Variants in MACROH2A1 observed in about 807,000 individuals in gnomAD.
MACROH2A1 encodes macroH2A.1 histone, also known as core histone macro-H2A.1.
MACROH2A1 carries 2 observed loss-of-function variants against 31.6 expected under a neutral mutation model. That is an observed-to-expected ratio of 0.06 (90% CI 0.03 to 0.20). The LOEUF (loss-of-function observed/expected upper bound fraction) is 0.20. Among genes scored for constraint, MACROH2A1 ranks in the 10% least tolerant of loss-of-function variants. The pLI is 1.00. For synonymous variants in MACROH2A1, 169 were observed against 189.6 expected, an observed-to-expected ratio of 0.89 and a Z score of 0.89; for missense variants, 230 against 474.0, an observed-to-expected ratio of 0.49 and a Z score of 4.78.
At chr5:135,370,003 C>A in intron 3 of MACROH2A1, 33 bp downstream of exon 3, 1 of 1,386,406 alleles carries the variant, frequency 7.2e-7, no homozygotes, top group South Asian at 1.2e-5. Context: ...ACCACCTGCT[C>A]AAACATCAGT....
intron 2 of MACROH2A1, among the ~76,000 whole-genome samples, chr5:135,376,146 A>G (rs1474981423): frequency 6.6e-6 from 1 of 152,156 alleles, no homozygotes; most frequent in African/African-American, 2.4e-5. Flanking sequence ...CATAGAGAAA[A>G]TAAAACCTAC....
chr5:135,393,372 T>G (rs1317786237), intron 1 of MACROH2A1, among the ~76,000 whole-genome samples: 1 of 152,226 alleles, frequency 6.6e-6, no homozygotes, highest in African/African-American at 2.4e-5. Context: ...CTCTGGCTAT[T>G]TACTCAGAAG....
intron 4 of MACROH2A1, among the ~76,000 whole-genome samples, chr5:135,364,372 ATATG>A (rs143337679): frequency 0.036 from 5,547 of 152,220 alleles, 369 homozygotes; most frequent in African/African-American, 0.13. Context: ...ACATGTATAC[ATATG>A]TAACACACCT....
At position 135,352,977 on chromosome 5, in the gene MACROH2A1, G is replaced by T; in HGVS notation, c.657C>A (p.Thr219=). 1 of 1,597,112 alleles carries T rather than the reference G, an allele frequency of 6.3e-7. No homozygotes were observed. The highest frequency in any genetic ancestry group is 8.6e-7 in the Non-Finnish European group (1 of 1,164,486). Residue 219 remains threonine, a synonymous_variant, in exon 6 of 9, where the codon ACC becomes ACA. Transcript: ENST00000511689. ...GFEVEAIINP[T]NADIDLKDDL... ...CATCTTTAAGGTCAATGTCAGCATTGGTAGGATTGATTATGGCCTCCACCT... is the reference window on the plus strand; with the variant it reads ...CATCTTTAAGGTCAATGTCAGCATTTGTAGGATTGATTATGGCCTCCACCT...
intron 5 of MACROH2A1, chr5:135,354,152 G>A (rs918609515): frequency 6.6e-6 from 1 of 152,272 alleles, no homozygotes; most frequent in Non-Finnish European, 1.5e-5. Context: ...GTTTACCAGG[G>A]CATGAGGCTT....
chr5:135,352,006 C>T (rs1286857495), intron 6 of MACROH2A1, among the ~76,000 whole-genome samples: 1 of 152,026 alleles, frequency 6.6e-6, no homozygotes, highest in African/African-American at 2.4e-5. Flanking sequence ...ATGTTTTCAG[C>T]CCACTGTTGC....
intron 7 of MACROH2A1, 104 bp downstream of exon 7, chr5:135,345,864 G>T: frequency 1.3e-6 from 1 of 762,626 alleles, no homozygotes; most frequent in Non-Finnish European, 2.4e-6. Flanking sequence ...TGAAGATGCG[G>T]CTGTGCTGCC....
At chr5:135,338,215 G>A (rs1182799408) in intron 8 of MACROH2A1, among the ~76,000 whole-genome samples, 1 of 152,196 alleles carries the variant, frequency 6.6e-6, no homozygotes, top group Non-Finnish European at 1.5e-5. Flanking sequence ...GGCTTGGGTG[G>A]CCTGACAGCC....
chr5:135,358,946 C>T, intron 5 of MACROH2A1: 1 of 985,412 alleles, frequency 1.0e-6, no homozygotes, highest in African/African-American at 1.7e-5. Flanking sequence ...GGTGTTTGCC[C>T]CCTCCCCTCC....
chr5:135,364,211 C>T (rs983638865), intron 4 of MACROH2A1, among the ~76,000 whole-genome samples: 1 of 152,044 alleles, frequency 6.6e-6, no homozygotes, highest in African/African-American at 2.4e-5. Flanking sequence ...AGACACAGGG[C>T]GGGGAACATC....
chr5:135,380,353 G>C (rs952271311), intron 2 of MACROH2A1, among the ~76,000 whole-genome samples: 1 of 152,136 alleles, frequency 6.6e-6, no homozygotes, highest in African/African-American at 2.4e-5. Context: ...ACCCCGCTTG[G>C]GACTTTGCAC....
chr5:135,345,871 T>A, intron 7 of MACROH2A1, 97 bp downstream of exon 7: 1 of 806,346 alleles, frequency 1.2e-6, no homozygotes, highest in Non-Finnish European at 2.2e-6. Flanking sequence ...GCGGCTGTGC[T>A]GCCACACACC....
chr5:135,337,975 G>A, intron 8 of MACROH2A1: 1 of 1,214,654 alleles, frequency 8.2e-7, no homozygotes, highest in Non-Finnish European at 1.1e-6. Context: ...GACTGTGGCT[G>A]CTCTGGACTG....
intron 6 of MACROH2A1, chr5:135,350,994 A>G: frequency 1.1e-6 from 1 of 922,152 alleles, no homozygotes; most frequent in South Asian, 1.4e-5. Context: ...CCCCAATGGC[A>G]GGGCTGGCCT....
At chr5:135,335,832 C>T (rs1481879166) in intron 8 of MACROH2A1, among the ~76,000 whole-genome samples, 1 of 152,206 alleles carries the variant, frequency 6.6e-6, no homozygotes, top group East Asian at 1.9e-4. Context: ...GACTGGCCCT[C>T]ACTGCTCTGT....
chr5:135,386,006 G>A (rs930487718), intron 2 of MACROH2A1, among the ~76,000 whole-genome samples: 8 of 152,166 alleles, frequency 5.3e-5, no homozygotes, highest in Non-Finnish European at 8.8e-5. Flanking sequence ...AAGTGAAGAG[G>A]AGAGCAGAAA....
Position 135,334,885 on chromosome 5 carries a change from T to C in MACROH2A1, c.*91A>G. The C allele has an allele frequency of 9.4e-7, 1 of 1,067,180 alleles. No individual in the cohort carries two copies. 66.1% of individuals were successfully genotyped at this position (1,067,180 alleles called of 1,614,324 possible). ...TGAGCAAAACTGAAAATGAAAGGGG[T>C]CCCACCTCCCAGTAGGAGTGAAGGG... On this transcript the variant is annotated 3_prime_UTR_variant, in exon 9 of 9. Transcript: ENST00000511689.
intron 4 of MACROH2A1, chr5:135,363,008 C>G (rs1429549890): frequency 6.6e-6 from 1 of 152,098 alleles, no homozygotes; most frequent in Non-Finnish European, 1.5e-5. Context: ...GTATTTGGGT[C>G]CTGGCTCCCC....
rs1046207208 is a variant in MACROH2A1 at position 135,358,170 on chromosome 5, T to C, written c.588+2327A>G. ...CTTTTTTACACTATATGCCATGATT[T>C]TCACCTGACAGTAATAGCCAATAAA... is the stretch of plus-strand genomic sequence containing the variant. On this transcript the variant is annotated intron_variant, in intron 5 of 8. Transcript: ENST00000511689. The C allele has an allele frequency of 4.1e-6, 4 of 985,152 alleles. No individual in the cohort carries two copies. The Admixed American group carries it at 2.5e-4, about 61-fold the overall frequency. The allele number at this position is 985,152 out of a possible 1,614,324, so 61.0% of individuals were successfully genotyped here. A position where few individuals can be genotyped will look rare whatever the true frequency, so the allele number is the denominator to read the frequency against.
Sources: gnomAD v4.1 joint callset for allele counts (sites outside exome capture counted in the v4.1 genomes callset) on GRCh38, gnomAD v4.1.1 for gene constraint, MANE v1.5 for transcripts, NCBI Gene and HGNC (gene_info 2026-07-23, HGNC 2026-07-21) for gene names.